The following RNF14 variants were observed in gnomAD, a reference collection of about 807,000 sequenced individuals.
RNF14 encodes ring finger protein 14.
Under a neutral mutation model 52.6 loss-of-function variants are expected in RNF14, and 26 were observed. That is an observed-to-expected ratio of 0.49 (90% CI 0.36 to 0.69). The LOEUF is 0.69. RNF14 is among the 30% of genes least tolerant of loss of function. RNF14 has a pLI of 0.00. For synonymous variants in RNF14, 194 were observed against 202.0 expected (o/e 0.96, Z 0.34); for missense variants, 404 against 560.4 (o/e 0.72, Z 2.82).
intron 8 of RNF14, among the ~76,000 whole-genome samples, chr5:141,985,624 C>T (rs1046357104): frequency 1.3e-5 from 2 of 152,064 alleles, no homozygotes; most frequent in South Asian, 2.1e-4. Flanking sequence ...GGTGCCGTCT[C>T]GGCTCACTGC....
upstream of RNF14, among the ~76,000 whole-genome samples, chr5:141,965,441 T>C (rs1324837671): frequency 6.6e-6 from 1 of 151,936 alleles, no homozygotes; most frequent in Non-Finnish European, 1.5e-5. Context: ...GGGGTGGGAG[T>C]TGGGTCTCTT....
At chr5:141,987,693 G>T (rs372232503) in intron 8 of RNF14, 40 bp from the exon 9 acceptor site, 2 of 1,595,798 alleles carry the variant, frequency 1.3e-6, no homozygotes, top group South Asian at 1.1e-5. Context: ...ATATTGTTTC[G>T]TTCAAGTGTA....
At chr5:141,956,917 T>C (rs757602819), upstream of RNF14, 7 of 1,614,006 alleles carry the variant, frequency 4.3e-6, no homozygotes, top group South Asian at 1.1e-5. Flanking sequence ...GTTCTTTTCA[T>C]AGTCTAGAGG....
At chr5:141,960,608 G>A (rs1417315170) in intron 1 of RNF14, among the ~76,000 whole-genome samples, 1 of 152,162 alleles carries the variant, frequency 6.6e-6, no homozygotes, top group Non-Finnish European at 1.5e-5. Context: ...AGGTCGTGGA[G>A]TGCTTTTGAA....
upstream of RNF14, among the ~76,000 whole-genome samples, chr5:141,966,448 A>G (rs772901158): frequency 3.9e-5 from 6 of 152,350 alleles, no homozygotes; most frequent in Non-Finnish European, 2.9e-5. Flanking sequence ...TTAGTGCCTC[A>G]GTTTTCTCTT....
chr5:141,955,910 T>G (rs1753174644), upstream of RNF14: 1 of 1,614,188 alleles, frequency 6.2e-7, no homozygotes. This position sits in a 1 kb window ranked among gnomAD's most constrained non-coding sequence, Gnocchi z 5.5. Flanking sequence ...GGGTTGAGGA[T>G]GAAGAGGTGG....
chr5:141,963,250 GA>G (rs1753289032), upstream of RNF14: 1 of 152,132 alleles, frequency 6.6e-6, no homozygotes, highest in Non-Finnish European at 1.5e-5. Context: ...GGGGTTGCCA[GA>G]TTTAGTAAAT....
chr5:141,957,770 T>A (rs868246634), upstream of RNF14: 4 of 1,610,640 alleles, frequency 2.5e-6, no homozygotes, highest in Middle Eastern at 6.6e-4. The surrounding 1 kb of genome is among the most constrained non-coding windows in gnomAD (Gnocchi z 4.3). Context: ...GTGAGAGTGG[T>A]CACCTCCTGA....
upstream of RNF14, among the ~76,000 whole-genome samples, chr5:141,967,811 T>C (rs529054886): frequency 1.2e-3 from 176 of 152,364 alleles, no homozygotes; most frequent in African/African-American, 3.8e-3. Context: ...GAACGGTGCT[T>C]TGTACCTAAA....
In RNF14 at chr5:141,980,143, A is replaced by C. The variant is rs1388870116; in HGVS notation, c.855A>C (p.Ala285=). The change falls in exon 6 of 9, where the codon GCA becomes GCC. Residue 285 remains alanine (A), a synonymous_variant. Coordinates refer to ENST00000394520, the MANE Select transcript of RNF14 (RefSeq NM_004290.5). ...TCCAGGTCAAAGAGTTAGTGGAAGC[A>C]GAGTTATTTGCCCGTTATGACCGCC... ...TPGQVKELVE[A]ELFARYDRLL... is the part of the protein sequence containing the mutation. 6.2e-7 allele frequency: 1 copy of C among 1,614,066 alleles called. No homozygotes were observed.
At chr5:141,963,430 A>G (rs1284635511), upstream of RNF14, among the ~76,000 whole-genome samples, 1 of 148,654 alleles carries the variant, frequency 6.7e-6, no homozygotes, top group African/African-American at 2.5e-5. Context: ...TTGAAAATCT[A>G]TTAGTAAACA....
upstream of RNF14, chr5:141,955,458 C>T: frequency 6.2e-7 from 1 of 1,614,078 alleles, no homozygotes; most frequent in Non-Finnish European, 8.5e-7. This position sits in a 1 kb window ranked among gnomAD's most constrained non-coding sequence, Gnocchi z 5.5. Flanking sequence ...CCTCCTTGTC[C>T]ACATCTTTGT....
chr5:141,966,473 C>T (rs994071847), upstream of RNF14, among the ~76,000 whole-genome samples: 1 of 152,004 alleles, frequency 6.6e-6, no homozygotes, highest in East Asian at 1.9e-4. Flanking sequence ...CAAGTGGGCA[C>T]ATAAAATTAC....
upstream of RNF14, among the ~76,000 whole-genome samples, chr5:141,965,925 A>G (rs1596651046): frequency 6.6e-6 from 1 of 151,722 alleles, no homozygotes; most frequent in East Asian, 1.9e-4. Flanking sequence ...AACCCCCGTG[A>G]CACGAGTTTA....
chr5:141,984,743 T>A, intron 7 of RNF14, 60 bp from the exon 8 acceptor site: 1 of 1,539,518 alleles, frequency 6.5e-7, no homozygotes, highest in Non-Finnish European at 9.0e-7. Flanking sequence ...CATTTTGGCA[T>A]GTGCTGTCTC....
chr5:141,959,474 A>G (rs1753237117), intron 1 of RNF14, among the ~76,000 whole-genome samples: 2 of 152,144 alleles, frequency 1.3e-5, no homozygotes, highest in African/African-American at 4.8e-5. Flanking sequence ...ACCCACTTCA[A>G]GGTTGATCCC....
upstream of RNF14, chr5:141,957,632 C>G: frequency 6.2e-7 from 1 of 1,614,170 alleles, no homozygotes. The surrounding 1 kb of genome is among the most constrained non-coding windows in gnomAD (Gnocchi z 4.3). Context: ...ATGGGGAGCG[C>G]CTGAGGCAGC....
Position 141,978,798 on chromosome 5 carries a change from C to A in RNF14, c.802C>A (p.Pro268Thr). 1 of 1,613,928 alleles carries A rather than the reference C, an allele frequency of 6.2e-7. No individual in the cohort carries two copies. The highest frequency in any genetic ancestry group is 8.5e-7 in the Non-Finnish European group (1 of 1,179,822). ...GGTTCAATGCCTCAACTGCCCAGAA[C>A]CAAAGTGCCCTTCGGTGGCCACTCC... ...GQVQCLNCPE[P>T]KCPSVATPGQ... The change falls in exon 5 of 9, where the codon CCA becomes ACA. Residue 268 changes from proline to threonine, a missense_variant. By Grantham distance (38) the Pro-to-Thr change is conservative. Transcript: ENST00000394520.
chr5:141,958,383 A>T (rs1408723963), exon 1 of RNF14: 1 of 154,780 alleles, frequency 6.5e-6, no homozygotes, highest in East Asian at 1.9e-4. Flanking sequence ...CTGTCCACGC[A>T]GCAAGGCGGC....
Sources: gnomAD v4.1 joint callset for allele counts (sites outside exome capture counted in the v4.1 genomes callset) on GRCh38, gnomAD v4.1.1 for gene constraint, Gnocchi (gnomAD v3.1) non-coding constraint, MANE v1.5 for transcripts, NCBI Gene and HGNC (gene_info 2026-07-23, HGNC 2026-07-21) for gene names.